HS3ST4: variants seen among roughly 807,000 people sequenced by gnomAD.
HS3ST4 encodes the protein heparan sulfate glucosamine 3-O-sulfotransferase 4.
A neutral mutation model predicts 29.2 loss-of-function variants in HS3ST4; 17 were observed. That is an observed-to-expected ratio of 0.58 (90% CI 0.40 to 0.87). The LOEUF is 0.87. Ranked by LOEUF, HS3ST4 falls within the 40% of genes least tolerant of loss-of-function variation. The pLI, the probability that HS3ST4 is intolerant of heterozygous loss-of-function variation, is 0.00. For missense variants in HS3ST4, 627 were observed against 634.5 expected, an observed-to-expected ratio of 0.99 and a Z score of 0.13; for synonymous variants, 314 against 285.7, an observed-to-expected ratio of 1.10 and a Z score of -1.00.
intron 1 of HS3ST4, among the ~76,000 whole-genome samples, chr16:25,822,882 C>T (rs190769982): frequency 1.1e-4 from 16 of 152,152 alleles, no homozygotes; most frequent in South Asian, 4.1e-4. Context: ...GGACTACAGG[C>T]GTGCACCACC....
At chr16:25,795,415 A>G (rs1281536392) in intron 1 of HS3ST4, among the ~76,000 whole-genome samples, 3 of 152,020 alleles carry the variant, frequency 2.0e-5, no homozygotes, top group African/African-American at 7.2e-5. Context: ...AATTTCAGTT[A>G]TTGTAGTTTT....
At chr16:25,840,450 ACT>A (rs1484497480) in intron 1 of HS3ST4, among the ~76,000 whole-genome samples, 6 of 152,080 alleles carry the variant, frequency 3.9e-5, no homozygotes, top group African/African-American at 1.4e-4. Context: ...AAGTTAAATA[ACT>A]CTCATATTTT....
intron 1 of HS3ST4, among the ~76,000 whole-genome samples, chr16:25,864,587 T>C (rs1188394642): frequency 1.3e-5 from 2 of 151,970 alleles, no homozygotes; most frequent in Non-Finnish European, 1.5e-5. Flanking sequence ...GCCACTCTAC[T>C]CTCCTCTTCT....
chr16:25,716,753 A>G (rs987185179), intron 1 of HS3ST4, among the ~76,000 whole-genome samples: 2 of 152,166 alleles, frequency 1.3e-5, no homozygotes, highest in African/African-American at 4.8e-5. Context: ...TTTTACAGAT[A>G]AATAAAGAAG....
At chr16:26,061,230 A>G (rs745848494) in intron 1 of HS3ST4, among the ~76,000 whole-genome samples, 5 of 152,228 alleles carry the variant, frequency 3.3e-5, no homozygotes, top group Non-Finnish European at 7.3e-5. Context: ...TAGTTTAGCC[A>G]GATGCCTCTT....
chr16:25,794,568 T>C (rs1966877679), intron 1 of HS3ST4, among the ~76,000 whole-genome samples: 1 of 152,138 alleles, frequency 6.6e-6, no homozygotes. Context: ...TGTTCTGGTT[T>C]CCAATGTTTT....
In HS3ST4 at chr16:25,833,779, A is replaced by G. The variant is rs190316188; in HGVS notation, c.734+140628A>G. ...AAGGATTACTGGAAAAACAAGAATA[A>G]TTTGAAATCCAAGGAAATCAATAAG... On this transcript the variant is annotated intron_variant, in intron 1 of 1. Transcript: ENST00000331351. Among the ~76,000 whole-genome samples, 11 of 152,348 alleles carry G rather than the reference A, an allele frequency of 7.2e-5. No individual in the cohort carries two copies. The East Asian group carries it at 2.1e-3, about 29-fold the overall frequency.
chr16:26,134,172 G>A (rs1487544467), intron 1 of HS3ST4, among the ~76,000 whole-genome samples: 1 of 152,080 alleles, frequency 6.6e-6, no homozygotes, highest in African/African-American at 2.4e-5. Flanking sequence ...TGGAGGAGCA[G>A]CCTTAGCAAA....
chr16:25,917,358 G>A (rs147332980), intron 1 of HS3ST4, among the ~76,000 whole-genome samples: 3,001 of 152,148 alleles, frequency 0.02, 48 homozygotes, highest in Non-Finnish European at 0.028. Context: ...GATTACAGGC[G>A]CATGCCACCA....
intron 1 of HS3ST4, among the ~76,000 whole-genome samples, chr16:25,828,301 C>CCCTCTCTCTCT (rs1967253350): frequency 6.1e-5 from 2 of 32,894 alleles, no homozygotes; most frequent in South Asian, 1.8e-3. Context: ...TCTTTCTTTC[C>CCCTCTCTCTCT]CTCTCTCTCT....
At chr16:25,893,487 G>A (rs1442555450) in intron 1 of HS3ST4, among the ~76,000 whole-genome samples, 1 of 152,174 alleles carries the variant, frequency 6.6e-6, no homozygotes, top group Non-Finnish European at 1.5e-5. Flanking sequence ...GGTCAGCCTT[G>A]TGTCACATGC....
chr16:25,821,434 T>C (rs528726687), intron 1 of HS3ST4, among the ~76,000 whole-genome samples: 1 of 152,282 alleles, frequency 6.6e-6, no homozygotes, highest in African/African-American at 2.4e-5. Flanking sequence ...TTCTAATGTG[T>C]TTTCCTCATA....
intron 1 of HS3ST4, among the ~76,000 whole-genome samples, chr16:26,094,658 A>G (rs1413224382): frequency 6.6e-6 from 1 of 152,228 alleles, no homozygotes; most frequent in Non-Finnish European, 1.5e-5. Flanking sequence ...CACTGCAAAA[A>G]CATGCTAAAT....
intron 1 of HS3ST4, among the ~76,000 whole-genome samples, chr16:25,858,851 T>G (rs1249993105): frequency 6.6e-6 from 1 of 152,188 alleles, no homozygotes; most frequent in Non-Finnish European, 1.5e-5. Flanking sequence ...CTCTGAACAC[T>G]TTGTATGTGT....
At chr16:25,820,232 C>T (rs945288981) in intron 1 of HS3ST4, among the ~76,000 whole-genome samples, 1 of 151,866 alleles carries the variant, frequency 6.6e-6, no homozygotes, top group Non-Finnish European at 1.5e-5. Context: ...ACCACCTGTG[C>T]TGTCTTTCAG....
At chr16:26,118,241 A>G (rs1899225196) in intron 1 of HS3ST4, among the ~76,000 whole-genome samples, 3 of 152,052 alleles carry the variant, frequency 2.0e-5, no homozygotes, top group Admixed American at 6.6e-5. Flanking sequence ...AATTTTTAAA[A>G]TCTTTTGTAG....
rs570855813 is a variant in HS3ST4, at chr16:25,884,509, T to C, written c.734+191358T>C. On this transcript the variant is annotated intron_variant, in intron 1 of 1. Coordinates refer to ENST00000331351, the MANE Select transcript of HS3ST4 (RefSeq NM_006040.3). ...TTTACTTATGTTCTTGTGTATTTAT[T>C]GTCTGTCTCCCCTTTGTAGCATCTT... Among the ~76,000 whole-genome samples the C allele has an allele frequency of 5.6e-4, 86 of 152,350 alleles. 2 individuals carry two copies. In the South Asian group the frequency reaches 0.017, roughly 30 times the overall value.
intron 1 of HS3ST4, among the ~76,000 whole-genome samples, chr16:25,904,484 A>G (rs554768466): frequency 1.3e-5 from 2 of 152,300 alleles, no homozygotes; most frequent in African/African-American, 4.8e-5. Flanking sequence ...ATTAAATGGG[A>G]AGCATAAATC....
intron 1 of HS3ST4, among the ~76,000 whole-genome samples, chr16:25,923,903 T>C (rs950421180): frequency 6.6e-6 from 1 of 152,340 alleles, no homozygotes; most frequent in East Asian, 1.9e-4. Flanking sequence ...ACTGTGACCC[T>C]GGATACTCCC....
Sources: allele counts gnomAD v4.1 joint callset (sites outside exome capture counted in the v4.1 genomes callset), GRCh38; gene constraint gnomAD v4.1.1; transcripts MANE v1.5; gene names NCBI Gene and HGNC (gene_info 2026-07-23, HGNC 2026-07-21).